Variants in CACNA2D1 observed in about 807,000 individuals in gnomAD.
CACNA2D1 encodes voltage-dependent calcium channel subunit alpha-2/delta-1.
Under a neutral mutation model 171.5 loss-of-function variants are expected in CACNA2D1, and 53 were observed. The ratio of observed to expected loss-of-function variants is 0.31; its 90% CI spans 0.25 to 0.39. CACNA2D1 has a LOEUF of 0.39. Among genes scored for constraint, CACNA2D1 ranks in the 10% least tolerant of loss-of-function variants. The pLI is 1.00. For synonymous variants in CACNA2D1, 442 were observed against 443.1 expected, an observed-to-expected ratio of 1.00 and a Z score of 0.03; for missense variants, 903 against 1,299.8, an observed-to-expected ratio of 0.69 and a Z score of 4.69.
At chr7:82,165,325 G>T (rs1795331417) in intron 4 of CACNA2D1, among the ~76,000 whole-genome samples, 1 of 151,976 alleles carries the variant, frequency 6.6e-6, no homozygotes, top group South Asian at 2.1e-4. Flanking sequence ...TCTGACTGCA[G>T]GGGCTTCCAC....
intron 10 of CACNA2D1, among the ~76,000 whole-genome samples, chr7:82,060,165 A>ATAATATATATATAATATTATATT (rs377355935): frequency 1.8e-4 from 4 of 22,198 alleles, no homozygotes; most frequent in African/African-American, 3.3e-4. Flanking sequence ...ATATATATAT[A>ATAATATATATATAATATTATATT]ATATATATAT....
intron 1 of CACNA2D1, among the ~76,000 whole-genome samples, chr7:82,391,049 G>A (rs1189157622): frequency 1.3e-5 from 2 of 151,958 alleles, no homozygotes; most frequent in East Asian, 1.9e-4. Flanking sequence ...CCAAAACTCT[G>A]CCAAAAAGCT....
intron 1 of CACNA2D1, among the ~76,000 whole-genome samples, chr7:82,379,250 T>C (rs1410364608): frequency 6.6e-6 from 1 of 152,148 alleles, no homozygotes; most frequent in African/African-American, 2.4e-5. Flanking sequence ...TGCAACTCCA[T>C]ATCTACTGAC....
At chr7:82,183,152 C>T (rs1797326108) in intron 3 of CACNA2D1, among the ~76,000 whole-genome samples, 1 of 151,908 alleles carries the variant, frequency 6.6e-6, no homozygotes, top group Non-Finnish European at 1.5e-5. Context: ...AGGACCATCA[C>T]TTTTCTCATA....
chr7:82,146,453 GAT>G (rs1221401426), intron 4 of CACNA2D1, among the ~76,000 whole-genome samples: 2 of 130,704 alleles, frequency 1.5e-5, no homozygotes, highest in South Asian at 2.4e-4. Context: ...TATATATAAA[GAT>G]ATATATAAAT....
chr7:82,203,042 G>C (rs948099519), intron 3 of CACNA2D1, among the ~76,000 whole-genome samples: 28 of 152,106 alleles, frequency 1.8e-4, no homozygotes, highest in African/African-American at 6.3e-4. Context: ...GTGCAACCCG[G>C]TCCCCCCTAG....
rs556250904 is a variant in CACNA2D1 at position 82,141,573 on chromosome 7, C to T, written c.355-4897G>A. Among the ~76,000 whole-genome samples the T allele has an allele frequency of 2.0e-4, 30 of 152,208 alleles. 1 individual carries two copies. In the South Asian group the frequency reaches 5.2e-3, roughly 26 times the overall value. On this transcript the variant is annotated intron_variant, in intron 4 of 38. Coordinates refer to ENST00000356860, the MANE Select transcript of CACNA2D1 (RefSeq NM_000722.4). ...CAACAATTATTTTGGCAACCTTCTCCGTGCTACGTATTGGAGAAACGAAGA... is the reference window on the plus strand; with the variant it reads ...CAACAATTATTTTGGCAACCTTCTCTGTGCTACGTATTGGAGAAACGAAGA...
chr7:82,150,955 C>T (rs1362530208), intron 4 of CACNA2D1, among the ~76,000 whole-genome samples: 4 of 152,100 alleles, frequency 2.6e-5, no homozygotes, highest in Non-Finnish European at 2.9e-5. Flanking sequence ...TTTCATTACC[C>T]TAGTTTTAGT....
intron 3 of CACNA2D1, among the ~76,000 whole-genome samples, chr7:82,173,980 T>C (rs1350113822): frequency 7.0e-6 from 1 of 141,962 alleles, no homozygotes; most frequent in Non-Finnish European, 1.5e-5. Context: ...GAGTTCAAAG[T>C]TACAGTGATC....
intron 6 of CACNA2D1, among the ~76,000 whole-genome samples, chr7:82,111,220 A>G (rs1424419414): frequency 6.7e-6 from 1 of 149,770 alleles, no homozygotes; most frequent in African/African-American, 2.4e-5. Context: ...CATGTCTAAA[A>G]AAGCTATTTT....
intron 4 of CACNA2D1, among the ~76,000 whole-genome samples, chr7:82,166,272 C>T (rs1584976260): frequency 6.6e-6 from 1 of 151,974 alleles, no homozygotes; most frequent in Non-Finnish European, 1.5e-5. Context: ...CACTCAATAA[C>T]GTACAACTTC....
At chr7:81,960,661 A>G (rs944020743) in intron 36 of CACNA2D1, among the ~76,000 whole-genome samples, 2 of 152,114 alleles carry the variant, frequency 1.3e-5, no homozygotes, top group Non-Finnish European at 2.9e-5. Context: ...AATCAAAAGG[A>G]AAGTATGATG....
At chr7:82,351,837 TC>T (rs1227498383) in intron 1 of CACNA2D1, among the ~76,000 whole-genome samples, 1 of 152,156 alleles carries the variant, frequency 6.6e-6, no homozygotes, top group Non-Finnish European at 1.5e-5. Flanking sequence ...TGAGACTATC[TC>T]ATTTCTCTAA....
chr7:82,064,471 TTCTA>T (rs761388823), intron 8 of CACNA2D1, 117 bp from the exon 9 acceptor site: 1 of 678,396 alleles, frequency 1.5e-6, no homozygotes, highest in Non-Finnish European at 2.7e-6. Flanking sequence ...AAAGACCCAC[TTCTA>T]TCTAAGTAGA....
At chr7:82,258,330 A>T (rs1806555377) in intron 3 of CACNA2D1, among the ~76,000 whole-genome samples, 1 of 151,654 alleles carries the variant, frequency 6.6e-6, no homozygotes, top group East Asian at 1.9e-4. Context: ...AAAGAGCTTT[A>T]GTGACCTCAG....
intron 2 of CACNA2D1, among the ~76,000 whole-genome samples, chr7:82,346,835 T>C (rs1370551685): frequency 1.3e-5 from 2 of 152,186 alleles, no homozygotes; most frequent in Non-Finnish European, 1.5e-5. Context: ...GGGATTTGCT[T>C]ATGTTTTCAA....
intron 7 of CACNA2D1, among the ~76,000 whole-genome samples, chr7:82,080,724 T>A (rs990416467): frequency 6.6e-6 from 1 of 152,154 alleles, no homozygotes; most frequent in African/African-American, 2.4e-5. Flanking sequence ...CTACAATCCG[T>A]CTCCTGACCA....
chr7:82,392,329 T>TG lies in CACNA2D1; in HGVS notation c.96-42681dup, dbSNP rs551175516. ...GAGAGACAGACCACCCAACTTCAGG[T>TG]GGGGGGCCACCCTCATGTCCCCTTT... On this transcript the variant is annotated intron_variant, in intron 1 of 38. Coordinates refer to ENST00000356860, the MANE Select transcript of CACNA2D1 (RefSeq NM_000722.4). Among the ~76,000 whole-genome samples, 230 of 152,272 alleles carry TG rather than the reference T, an allele frequency of 1.5e-3. 1 individual carries two copies. The highest frequency in any genetic ancestry group is 2.6e-3 in the Non-Finnish European group (180 of 68,024).
At chr7:82,146,585 T>C (rs1279817257) in intron 4 of CACNA2D1, among the ~76,000 whole-genome samples, 1 of 149,650 alleles carries the variant, frequency 6.7e-6, no homozygotes, top group African/African-American at 2.5e-5. Context: ...GTAGAGACAA[T>C]GTTCTATTGT....
Sources: gnomAD v4.1 joint callset for allele counts (sites outside exome capture counted in the v4.1 genomes callset) on GRCh38, gnomAD v4.1.1 for gene constraint, MANE v1.5 for transcripts, NCBI Gene and HGNC (gene_info 2026-07-23, HGNC 2026-07-21) for gene names.